ACSM3: variants seen among roughly 807,000 people sequenced by gnomAD.
ACSM3 encodes the protein acyl-CoA synthetase medium chain family member 3, also known as acyl-coenzyme A synthetase ACSM3, mitochondrial.
Under a neutral mutation model 74.1 loss-of-function variants are expected in ACSM3, and 61 were observed. The observed-to-expected ratio is 0.82, with a 90% CI of 0.67 to 1.02. The LOEUF (loss-of-function observed/expected upper bound fraction) is 1.02. ACSM3 is among the 50% of genes least tolerant of loss of function. ACSM3 has a pLI of 0.00. For synonymous variants in ACSM3, 213 were observed against 241.5 expected (o/e 0.88, Z 1.09); for missense variants, 660 against 697.0 (o/e 0.95, Z 0.60).
intron 1 of ACSM3, among the ~76,000 whole-genome samples, chr16:20,690,131 T>C (rs968452877): frequency 3.9e-5 from 6 of 152,224 alleles, no homozygotes; most frequent in African/African-American, 1.4e-4. Flanking sequence ...GAAGATGCCA[T>C]AAAGGCATGT....
At chr16:20,732,138 AAAG>A (rs1376789554) in intron 1 of ACSM3, among the ~76,000 whole-genome samples, 2 of 152,160 alleles carry the variant, frequency 1.3e-5, no homozygotes, top group African/African-American at 4.8e-5. Context: ...TAATATTCAG[AAAG>A]AATACCCAAA....
At chr16:20,791,654 C>T (rs757375554) in intron 10 of ACSM3, among the ~76,000 whole-genome samples, 2 of 152,136 alleles carry the variant, frequency 1.3e-5, no homozygotes, top group East Asian at 1.9e-4. Flanking sequence ...GGGCCAGGAG[C>T]GGTGGCTTAT....
At chr16:20,741,615 C>T in intron 1 of ACSM3, 1 of 1,573,744 alleles carries the variant, frequency 6.4e-7, no homozygotes, top group Non-Finnish European at 8.6e-7. Flanking sequence ...GCCCTGTAGC[C>T]CGGGCTCTAG....
intron 1 of ACSM3, among the ~76,000 whole-genome samples, chr16:20,714,644 T>C (rs2079754784): frequency 6.6e-6 from 1 of 152,130 alleles, no homozygotes; most frequent in Admixed American, 6.6e-5. Context: ...AGAGTCAAGG[T>C]TGATCTGCTT....
At chr16:20,736,830 A>T (rs1465296782) in intron 1 of ACSM3, 1 of 1,574,372 alleles carries the variant, frequency 6.4e-7, no homozygotes, top group Admixed American at 1.8e-5. Context: ...CCCCAGCAAC[A>T]TCTCGTAGAG....
rs1596522534 is a variant in ACSM3, at chr16:20,780,835, T to C, written c.760T>C (p.Leu254=). ...MTAHTHSSFG[L]GLSVNGRFWL... ...TGCACACACCCACAGCAGTTTTGGTTTAGGATTATCTGTAAATGGAAGGTA... is the reference window on the plus strand; with the variant it reads ...TGCACACACCCACAGCAGTTTTGGTCTAGGATTATCTGTAAATGGAAGGTA... Residue 254 remains leucine (L), a synonymous_variant, in exon 5 of 14, where the codon TTA becomes CTA. Transcript: ENST00000289416. 9.9e-6 allele frequency: 16 copies of C among 1,614,182 alleles called. No homozygotes were observed. The highest frequency in any genetic ancestry group is 1.4e-5 in the Non-Finnish European group (16 of 1,180,016).
chr16:20,769,278 C>A (rs934652911), intron 1 of ACSM3, among the ~76,000 whole-genome samples: 1 of 152,224 alleles, frequency 6.6e-6, no homozygotes, highest in South Asian at 2.1e-4. Context: ...ACATTGTGAT[C>A]AAATGATTTC....
At chr16:20,729,070 T>C (rs546748193) in intron 1 of ACSM3, among the ~76,000 whole-genome samples, 1 of 152,356 alleles carries the variant, frequency 6.6e-6, no homozygotes, top group African/African-American at 2.4e-5. Flanking sequence ...ATCAAGCCAA[T>C]GCAGTCCAGC....
At chr16:20,741,870 C>G (rs1256699327) in intron 1 of ACSM3, 1 of 1,535,112 alleles carries the variant, frequency 6.5e-7, no homozygotes. Flanking sequence ...AGCCTCATTC[C>G]GTGCTGCGCC....
chr16:20,796,306 C>T, intron 12 of ACSM3, 64 bp from the exon 13 acceptor site: 2 of 1,575,192 alleles, frequency 1.3e-6, no homozygotes, highest in South Asian at 2.4e-5. Flanking sequence ...AGCAAGCAAA[C>T]AAGACATACT....
At chr16:20,736,494 T>C (rs769399190) in intron 1 of ACSM3, 3 of 178,496 alleles carry the variant, frequency 1.7e-5, no homozygotes, top group South Asian at 1.6e-4. Flanking sequence ...TACAACAAAG[T>C]GGCAGGCAGA....
intron 1 of ACSM3, chr16:20,685,210 A>G (rs772676961): frequency 6.2e-7 from 1 of 1,614,166 alleles, no homozygotes; most frequent in Non-Finnish European, 8.5e-7. Flanking sequence ...CATGCAGCCC[A>G]CAGCCACCAG....
intron 1 of ACSM3, among the ~76,000 whole-genome samples, chr16:20,718,748 G>C (rs759235713): frequency 3.9e-5 from 6 of 151,984 alleles, no homozygotes; most frequent in Non-Finnish European, 7.4e-5. Flanking sequence ...ATCATTGCTA[G>C]GTAAATTTAC....
At chr16:20,719,784 G>T (rs1445624736) in intron 1 of ACSM3, among the ~76,000 whole-genome samples, 1 of 152,216 alleles carries the variant, frequency 6.6e-6, no homozygotes, top group African/African-American at 2.4e-5. Context: ...GATTAAAAGT[G>T]CGGGCACCTT....
At chr16:20,765,546 G>A (rs943163414) in intron 1 of ACSM3, among the ~76,000 whole-genome samples, 8 of 152,032 alleles carry the variant, frequency 5.3e-5, no homozygotes, top group Admixed American at 3.9e-4. Flanking sequence ...AGCAAGCTAA[G>A]TATGATATAT....
intron 1 of ACSM3, among the ~76,000 whole-genome samples, chr16:20,714,566 A>G (rs1049097806): frequency 6.6e-6 from 1 of 152,206 alleles, no homozygotes; most frequent in Admixed American, 6.5e-5. Flanking sequence ...AATAGGATGG[A>G]GGGAAAGCAG....
intron 1 of ACSM3, chr16:20,711,406 C>T (rs537341265): frequency 1.6e-6 from 1 of 621,624 alleles, no homozygotes; most frequent in Non-Finnish European, 2.6e-6. Context: ...AGGCACAAAG[C>T]CCAAATCTTC....
At chr16:20,675,165 G>C (rs933167564) in intron 1 of ACSM3, among the ~76,000 whole-genome samples, 2 of 152,144 alleles carry the variant, frequency 1.3e-5, no homozygotes, top group African/African-American at 4.8e-5. Context: ...TAGAAGTGGT[G>C]TGTGTATGTG....
Position 20,790,494 on chromosome 16 carries a change from T to G in ACSM3, c.1225-93T>G, listed in dbSNP as rs1208479326. ...TTTTTTTTAAGTCTTCATTTTTAAA[T>G]GGCAAAAGCCAAAATAAAACTTGCA... On this transcript the variant is annotated intron_variant, in intron 9 of 13. Transcript: ENST00000289416. The surrounding 1 kb of genome is among the most constrained non-coding windows in gnomAD (Gnocchi z 4.0). 2 of 1,307,010 alleles carry G rather than the reference T, an allele frequency of 1.5e-6. No homozygotes were observed. The highest frequency in any genetic ancestry group is 3.0e-5 in the African/African-American group (2 of 66,546). 81.0% of individuals were successfully genotyped at this position (1,307,010 alleles called of 1,614,324 possible).
Sources: allele counts gnomAD v4.1 joint callset (sites outside exome capture counted in the v4.1 genomes callset), GRCh38; gene constraint gnomAD v4.1.1; non-coding constraint Gnocchi (gnomAD v3.1); transcripts MANE v1.5; gene names NCBI Gene and HGNC (gene_info 2026-07-23, HGNC 2026-07-21).